Variants in TNRC6C observed in about 807,000 individuals in gnomAD.
TNRC6C encodes trinucleotide repeat-containing gene 6C protein.
In TNRC6C, 20 loss-of-function variants were observed where a neutral mutation model predicts 153.7. The ratio of observed to expected loss-of-function variants is 0.13; its 90% CI spans 0.09 to 0.19. The LOEUF (loss-of-function observed/expected upper bound fraction) is 0.19, where lower values mean the gene tolerates loss of function less well. Among genes scored for constraint, TNRC6C ranks in the 10% least tolerant of loss-of-function variants. The pLI is 1.00. For synonymous variants in TNRC6C, 811 were observed against 841.4 expected (o/e 0.96, Z 0.63); for missense variants, 1,987 against 2,172.0 (o/e 0.91, Z 1.69).
intron 14 of TNRC6C, among the ~76,000 whole-genome samples, 200 bp from the exon 17 acceptor site, chr17:78,092,733 C>T (rs1207718774): frequency 1.3e-5 from 2 of 151,554 alleles, no homozygotes; most frequent in East Asian, 3.9e-4. Flanking sequence ...GAAGTTGTCT[C>T]AAAAAAATAA....
chr17:77,959,632 C>T (rs1365958570), intron 1 of TNRC6C, among the ~76,000 whole-genome samples: 1 of 152,088 alleles, frequency 6.6e-6, no homozygotes, highest in Admixed American at 6.5e-5. Context: ...AGGCGCGAAC[C>T]CGCCGTGTTT....
rs151089943 is a variant in TNRC6C, at chr17:78,087,198, C to A, written c.3802+105C>A. 6.6e-6 allele frequency: 10 copies of A among 1,505,458 alleles called. No individual in the cohort carries two copies. In the African/African-American group the frequency reaches 1.4e-4, roughly 21 times the overall value. The allele number at this position is 1,505,458 out of a possible 1,614,324, so 93.3% of individuals were successfully genotyped here. A position where few individuals can be genotyped will look rare whatever the true frequency, so the allele number is the denominator to read the frequency against. ...TTCAGTGGTTAGGAGGACTGGCCAGCGCTGAAACCATAGCCTGTTGGAAAT... is the reference window on the plus strand; with the variant it reads ...TTCAGTGGTTAGGAGGACTGGCCAGAGCTGAAACCATAGCCTGTTGGAAAT... On this transcript the variant is annotated intron_variant, in intron 13 of 19. Coordinates refer to ENST00000301624, the Ensembl canonical transcript of TNRC6C.
intron 1 of TNRC6C, among the ~76,000 whole-genome samples, chr17:77,962,837 CT>C (rs1262906841): frequency 6.6e-6 from 1 of 152,210 alleles, no homozygotes; most frequent in Non-Finnish European, 1.5e-5. Context: ...TCTTTGGTCT[CT>C]CTTGCATGAC....
chr17:77,961,538 C>A (rs375822721), intron 1 of TNRC6C, among the ~76,000 whole-genome samples: 4 of 152,130 alleles, frequency 2.6e-5, no homozygotes, highest in Admixed American at 2.0e-4. Flanking sequence ...AATTTCATTT[C>A]GGATTCTGCC....
In TNRC6C at chr17:78,103,385, C is replaced by T. The variant is rs373812857; in HGVS notation, c.4573-29C>T. On this transcript the variant is annotated intron_variant, in intron 18 of 19. Transcript: ENST00000301624. ...TAGTGAAAGAAATCAGAAGAAAGCT[C>T]ATTCATGTCCCTGTGCTTCCTCTAT... 303 of 1,610,328 alleles carry T rather than the reference C, an allele frequency of 1.9e-4. 2 individuals are homozygous for T. In the African/African-American group the frequency reaches 3.7e-3, roughly 20 times the overall value.
intron 1 of TNRC6C, among the ~76,000 whole-genome samples, chr17:77,994,854 T>C (rs144696022): frequency 6.6e-6 from 1 of 152,374 alleles, no homozygotes; most frequent in East Asian, 1.9e-4. Context: ...ATTGGTTAAA[T>C]ACAGCTTGTT....
intron 2 of TNRC6C, among the ~76,000 whole-genome samples, chr17:78,037,056 A>G (rs2143796503): frequency 6.6e-6 from 1 of 152,328 alleles, no homozygotes; most frequent in African/African-American, 2.4e-5. Flanking sequence ...CTCTTAAAAC[A>G]TTTTGTCATA....
At chr17:78,031,302 G>C (rs1182830232) in intron 1 of TNRC6C, among the ~76,000 whole-genome samples, 1 of 152,024 alleles carries the variant, frequency 6.6e-6, no homozygotes, top group Admixed American at 6.6e-5. Context: ...AGGAATCCAA[G>C]GCCCAGGAAT....
intron 18 of TNRC6C, 107 bp downstream of exon 21, chr17:78,102,651 T>A: frequency 8.4e-7 from 1 of 1,195,108 alleles, no homozygotes; most frequent in Non-Finnish European, 1.2e-6. Flanking sequence ...TGGGGGTTCT[T>A]GGTCAGGGTC....
chr17:78,073,157 A>G lies in TNRC6C; in HGVS notation c.2917+63A>G, dbSNP rs1001256649. The G allele has an allele frequency of 7.8e-6, 11 of 1,403,884 alleles. No homozygotes were observed. The Admixed American group carries it at 1.2e-4, about 15-fold the overall frequency. 87.0% of individuals were successfully genotyped at this position (1,403,884 alleles called of 1,614,324 possible). On this transcript the variant is annotated intron_variant, in intron 7 of 19. Coordinates refer to ENST00000301624, the Ensembl canonical transcript of TNRC6C. ...CTGTGAAGTTTTACTTTCCAGAAGC[A>G]TTTGATTGTAGTCATGGTTTAATGG...
intron 13 of TNRC6C, among the ~76,000 whole-genome samples, chr17:78,088,313 G>T (rs1414480571): frequency 1.3e-5 from 2 of 152,010 alleles, no homozygotes; most frequent in Non-Finnish European, 2.9e-5. Flanking sequence ...GACTCCCTAG[G>T]TTTGAGTCCC....
intron 1 of TNRC6C, among the ~76,000 whole-genome samples, chr17:77,968,023 C>A (rs979394493): frequency 6.6e-6 from 1 of 151,936 alleles, no homozygotes; most frequent in Non-Finnish European, 1.5e-5. Flanking sequence ...AGTTATTATT[C>A]TTATTATTCT....
chr17:78,088,135 G>A (rs960336393), intron 13 of TNRC6C, among the ~76,000 whole-genome samples: 2 of 152,166 alleles, frequency 1.3e-5, no homozygotes, highest in African/African-American at 4.8e-5. Context: ...TCTGAAAAGA[G>A]CGGTATATTG....
intron 1 of TNRC6C, among the ~76,000 whole-genome samples, chr17:78,025,149 A>G (rs138537799): frequency 9.7e-4 from 147 of 152,248 alleles, no homozygotes; most frequent in African/African-American, 3.1e-3. Context: ...TTTGTGTTAT[A>G]TATCTATGGG....
chr17:78,033,460 G>A (rs1270192213), intron 2 of TNRC6C, among the ~76,000 whole-genome samples: 10 of 152,084 alleles, frequency 6.6e-5, no homozygotes, highest in Non-Finnish European at 1.3e-4. Context: ...ACCTGAGGTC[G>A]AGAGTTCGAG....
intron 1 of TNRC6C, among the ~76,000 whole-genome samples, chr17:77,970,503 A>C (rs2070932123): frequency 6.6e-6 from 1 of 152,202 alleles, no homozygotes; most frequent in African/African-American, 2.4e-5. Context: ...CTTTACTTTG[A>C]TATCACAACT....
At chr17:78,062,511 T>G (rs1015923829) in intron 3 of TNRC6C, among the ~76,000 whole-genome samples, 1 of 152,264 alleles carries the variant, frequency 6.6e-6, no homozygotes, top group Non-Finnish European at 1.5e-5. Flanking sequence ...CACAGTCACA[T>G]GCTTGCTACA....
At chr17:77,981,967 G>A (rs1053838882) in intron 1 of TNRC6C, among the ~76,000 whole-genome samples, 5 of 152,172 alleles carry the variant, frequency 3.3e-5, no homozygotes, top group Admixed American at 6.5e-5. Context: ...AACCTCCAGC[G>A]TGATGGTGTT....
chr17:78,088,885 G>T (rs1324437701), intron 13 of TNRC6C, among the ~76,000 whole-genome samples: 2 of 150,118 alleles, frequency 1.3e-5, no homozygotes, highest in Non-Finnish European at 2.9e-5. Context: ...ATCCTAAAAT[G>T]CATTAGCTTC....
Sources: allele counts gnomAD v4.1 joint callset (sites outside exome capture counted in the v4.1 genomes callset), GRCh38; gene constraint gnomAD v4.1.1; transcripts MANE v1.5; gene names NCBI Gene and HGNC (gene_info 2026-07-23, HGNC 2026-07-21).